The following COL25A1 variants were observed in gnomAD, a reference collection of about 807,000 sequenced individuals.
COL25A1 encodes the protein collagen type XXV alpha 1 chain.
Under a neutral mutation model 128.4 loss-of-function variants are expected in COL25A1, and 103 were observed. The ratio of observed to expected loss-of-function variants is 0.80; its 90% confidence interval spans 0.68 to 0.94. COL25A1 has a LOEUF of 0.94. Among genes scored for constraint, COL25A1 ranks in the 40% least tolerant of loss-of-function variants. The probability of loss-of-function intolerance (pLI) is 0.00; values close to 1 mark genes in which losing one functional copy is unlikely to be tolerated. For synonymous variants in COL25A1, 279 were observed against 277.2 expected (o/e 1.01, Z -0.06); for missense variants, 745 against 840.0 (o/e 0.89, Z 1.40).
At chr4:109,244,032 C>A (rs1297743766) in intron 3 of COL25A1, among the ~76,000 whole-genome samples, 1 of 151,810 alleles carries the variant, frequency 6.6e-6, no homozygotes, top group Non-Finnish European at 1.5e-5. Context: ...CAGACCTACA[C>A]AAAGCAGCTC....
chr4:109,047,827 G>C (rs1214845356), intron 5 of COL25A1, among the ~76,000 whole-genome samples: 1 of 149,842 alleles, frequency 6.7e-6, no homozygotes, highest in Non-Finnish European at 1.5e-5. Context: ...CCACCTCCCG[G>C]GTTCACGCCA....
At chr4:109,024,938 T>A (rs370321931) in intron 5 of COL25A1, among the ~76,000 whole-genome samples, 1 of 152,190 alleles carries the variant, frequency 6.6e-6, no homozygotes. Flanking sequence ...AGAAGAGTTA[T>A]ACAGTTAAAC....
intron 6 of COL25A1, among the ~76,000 whole-genome samples, chr4:109,009,451 A>G (rs1280172352): frequency 6.6e-6 from 1 of 152,210 alleles, no homozygotes; most frequent in East Asian, 1.9e-4. Context: ...CAGAGATCAT[A>G]AAAAGCATAA....
At chr4:109,130,538 T>C (rs1413213155) in intron 3 of COL25A1, among the ~76,000 whole-genome samples, 1 of 151,794 alleles carries the variant, frequency 6.6e-6, no homozygotes, top group Admixed American at 6.6e-5. Flanking sequence ...GATGAATATT[T>C]TTATCAGTAA....
At chr4:108,907,208 G>A (rs985095494) in intron 13 of COL25A1, among the ~76,000 whole-genome samples, 4 of 152,178 alleles carry the variant, frequency 2.6e-5, no homozygotes, top group Non-Finnish European at 5.9e-5. Context: ...GTGAAGGGCA[G>A]GGTGACAGGA....
intron 5 of COL25A1, among the ~76,000 whole-genome samples, chr4:109,030,755 T>C (rs1758773114): frequency 1.6e-5 from 2 of 122,318 alleles, no homozygotes; most frequent in Admixed American, 1.5e-4. Context: ...AAACTTCATT[T>C]TGTTGTTGTT....
In COL25A1 at chr4:108,958,382, G is replaced by A. The variant is rs575927250; in HGVS notation, c.492+15985C>T. ...AACATGGGTGTTTCTAGAAGTATAC[G>A]GACTAGTATTATAAATGAAATTATT... On this transcript the variant is annotated intron_variant, in intron 8 of 37. Coordinates refer to ENST00000399132, the MANE Select transcript of COL25A1 (RefSeq NM_198721.4). Among the ~76,000 whole-genome samples, 10 of 151,912 alleles carry A rather than the reference G, an allele frequency of 6.6e-5. No homozygotes were observed. The East Asian group carries it at 7.7e-4, about 12-fold the overall frequency.
chr4:109,259,941 AAG>A (rs1364710272), intron 3 of COL25A1, among the ~76,000 whole-genome samples: 1 of 152,232 alleles, frequency 6.6e-6, no homozygotes, highest in Non-Finnish European at 1.5e-5. Context: ...GCTTTGCTGG[AAG>A]AGTCTTGAAA....
At chr4:109,231,218 T>C (rs1578500715) in intron 3 of COL25A1, among the ~76,000 whole-genome samples, 1 of 152,118 alleles carries the variant, frequency 6.6e-6, no homozygotes, top group Non-Finnish European at 1.5e-5. Flanking sequence ...AAATTATTCA[T>C]GGCCAGTGAG....
chr4:109,158,315 A>T (rs938551151), intron 3 of COL25A1, among the ~76,000 whole-genome samples: 1 of 143,706 alleles, frequency 7.0e-6, no homozygotes, highest in Non-Finnish European at 1.5e-5. Flanking sequence ...TTTTAAAGAT[A>T]AAAAAAAAAA....
chr4:108,947,173 G>T (rs140376785), intron 8 of COL25A1, among the ~76,000 whole-genome samples: 1 of 152,170 alleles, frequency 6.6e-6, no homozygotes. Flanking sequence ...GCTGGGCGCG[G>T]TGGCTCATGC....
chr4:109,086,757 G>A (rs1764424525), intron 3 of COL25A1, among the ~76,000 whole-genome samples: 1 of 152,188 alleles, frequency 6.6e-6, no homozygotes, highest in Non-Finnish European at 1.5e-5. Flanking sequence ...CTCTGGCTAA[G>A]TCTTCTTGGA....
At chr4:108,997,893 A>G (rs1754931773) in intron 6 of COL25A1, among the ~76,000 whole-genome samples, 1 of 152,220 alleles carries the variant, frequency 6.6e-6, no homozygotes, top group Admixed American at 6.5e-5. Flanking sequence ...ATCTCAATTG[A>G]TGCAGAAAAG....
At chr4:109,221,237 T>C (rs201770609) in intron 3 of COL25A1, among the ~76,000 whole-genome samples, 1 of 128,106 alleles carries the variant, frequency 7.8e-6, no homozygotes, top group Non-Finnish European at 1.6e-5. Context: ...AAAAGCCCTA[T>C]ATTACTCTTT....
chr4:109,115,851 A>G (rs980149450), intron 3 of COL25A1, among the ~76,000 whole-genome samples: 8 of 152,024 alleles, frequency 5.3e-5, no homozygotes, highest in Admixed American at 1.3e-4. Flanking sequence ...GCTGCTGCCA[A>G]GATGACATCT....
intron 3 of COL25A1, among the ~76,000 whole-genome samples, chr4:109,246,381 C>T (rs1780268920): frequency 1.3e-5 from 2 of 152,096 alleles, no homozygotes; most frequent in Non-Finnish European, 2.9e-5. Context: ...ACATCATTTT[C>T]ATCTATATCA....
At chr4:109,003,860 T>A (rs1278158487) in intron 6 of COL25A1, among the ~76,000 whole-genome samples, 1 of 152,098 alleles carries the variant, frequency 6.6e-6, no homozygotes, top group Non-Finnish European at 1.5e-5. Context: ...TTCTTTCATT[T>A]CCCTTTCTTC....
At chr4:109,064,895 C>T (rs1462199273) in intron 3 of COL25A1, among the ~76,000 whole-genome samples, 1 of 152,172 alleles carries the variant, frequency 6.6e-6, no homozygotes, top group Admixed American at 6.5e-5. Flanking sequence ...TCACATCCAA[C>T]AGACATGCAG....
At chr4:108,924,781 G>A (rs1429883058) in intron 11 of COL25A1, among the ~76,000 whole-genome samples, 1 of 152,096 alleles carries the variant, frequency 6.6e-6, no homozygotes, top group Non-Finnish European at 1.5e-5. Context: ...AAGAGTCTGA[G>A]CTTTGACAGT....
Sources: gnomAD v4.1 joint callset for allele counts (sites outside exome capture counted in the v4.1 genomes callset) on GRCh38, gnomAD v4.1.1 for gene constraint, MANE v1.5 for transcripts, NCBI Gene and HGNC (gene_info 2026-07-23, HGNC 2026-07-21) for gene names.